The following TBX19 variants were observed in gnomAD, a reference collection of about 807,000 sequenced individuals.
TBX19 encodes T-box transcription factor 19.
In TBX19, 33 loss-of-function variants were observed where a neutral mutation model predicts 40.9. The ratio of observed to expected loss-of-function variants is 0.81; its 90% CI spans 0.61 to 1.08. TBX19 has a LOEUF of 1.08. Among genes scored for constraint, TBX19 ranks in the 50% least tolerant of loss-of-function variants. The probability of loss-of-function intolerance (pLI) is 0.00; values close to 1 mark genes in which losing one functional copy is unlikely to be tolerated. For synonymous variants in TBX19, 220 were observed against 225.0 expected (o/e 0.98, Z 0.20); for missense variants, 494 against 574.0 (o/e 0.86, Z 1.42).
intron 2 of TBX19, among the ~76,000 whole-genome samples, 195 bp downstream of exon 2, chr1:168,291,619 A>C (rs1229601682): frequency 6.6e-6 from 1 of 152,120 alleles, no homozygotes; most frequent in Non-Finnish European, 1.5e-5. Context: ...TTTTTAATGG[A>C]CTTCCTGATG....
At chr1:168,308,678 C>T in intron 6 of TBX19, 64 bp from the exon 7 acceptor site, 2 of 1,608,672 alleles carry the variant, frequency 1.2e-6, no homozygotes, top group Non-Finnish European at 1.7e-6. Flanking sequence ...AGGATAATGT[C>T]ACTGGTCACC....
At chr1:168,281,740 G>A (rs111524836) in intron 1 of TBX19, among the ~76,000 whole-genome samples, 2 of 152,342 alleles carry the variant, frequency 1.3e-5, no homozygotes, top group African/African-American at 4.8e-5. Context: ...GCTAGTTGAA[G>A]ATTGGAAGCA....
intron 5 of TBX19, among the ~76,000 whole-genome samples, chr1:168,301,529 G>A (rs539492616): frequency 2.0e-5 from 3 of 152,294 alleles, no homozygotes; most frequent in African/African-American, 7.2e-5. Context: ...CCAAAGTGCC[G>A]GGATTACAGG....
chr1:168,291,226 G>A lies in TBX19; in HGVS notation c.270G>A (p.Leu90=), dbSNP rs1457045459. 3 of 1,614,104 alleles carry A rather than the reference G, an allele frequency of 1.9e-6. 1 individual carries two copies. The highest frequency in any genetic ancestry group is 2.2e-5 in the South Asian group (2 of 91,086). The change falls in exon 2 of 8, where the codon CTG becomes CTA. Residue 90 remains leucine, a synonymous_variant. Coordinates refer to ENST00000367821, the MANE Select transcript of TBX19 (RefSeq NM_005149.3). ...ACCCCAATGCCATGTACTCCCTCCT[G>A]CTGGACTTTGTCCCTACGGACAGTC... ...GLDPNAMYSL[L]LDFVPTDSHR...
At chr1:168,300,798 C>T (rs1052564227) in intron 5 of TBX19, among the ~76,000 whole-genome samples, 6 of 152,320 alleles carry the variant, frequency 3.9e-5, no homozygotes, top group South Asian at 2.1e-4. Flanking sequence ...TGCCTCCTAA[C>T]GTTATGCTTG....
chr1:168,307,205 C>G (rs1185264687), intron 6 of TBX19, among the ~76,000 whole-genome samples: 1 of 152,080 alleles, frequency 6.6e-6, no homozygotes, highest in East Asian at 1.9e-4. Context: ...AGAGACATGG[C>G]CAGGTGTCTT....
chr1:168,301,585 G>A (rs980800644), intron 5 of TBX19, among the ~76,000 whole-genome samples: 1 of 152,208 alleles, frequency 6.6e-6, no homozygotes, highest in African/African-American at 2.4e-5. Context: ...AAAAATGACT[G>A]TCAACCTAAA....
intron 6 of TBX19, among the ~76,000 whole-genome samples, chr1:168,305,582 C>T (rs1392965313): frequency 6.6e-6 from 1 of 152,146 alleles, no homozygotes; most frequent in African/African-American, 2.4e-5. Flanking sequence ...GCATTCATGG[C>T]TCAGTTCAGG....
At chr1:168,294,240 T>G (rs1161748814) in intron 3 of TBX19, among the ~76,000 whole-genome samples, 1 of 152,256 alleles carries the variant, frequency 6.6e-6, no homozygotes, top group Non-Finnish European at 1.5e-5. Flanking sequence ...GTATATCTCC[T>G]TTTCTGTAGT....
intron 6 of TBX19, 59 bp from the exon 7 acceptor site, chr1:168,308,683 G>A (rs1395552794): frequency 1.9e-6 from 3 of 1,611,294 alleles, no homozygotes; most frequent in Non-Finnish European, 2.5e-6. Context: ...AATGTCACTG[G>A]TCACCATCTT....
chr1:168,292,943 A>G (rs928092249), intron 2 of TBX19, among the ~76,000 whole-genome samples: 15 of 146,572 alleles, frequency 1.0e-4, no homozygotes, highest in African/African-American at 3.5e-4. Flanking sequence ...CTTCAATGTT[A>G]TGCTTCCTGG....
intron 6 of TBX19, among the ~76,000 whole-genome samples, chr1:168,306,499 G>A (rs981696166): frequency 1.3e-5 from 2 of 152,072 alleles, no homozygotes; most frequent in South Asian, 2.1e-4. Context: ...GGTCGTTGGC[G>A]CCTGTAATCC....
At chr1:168,282,776 T>G (rs1424728234) in intron 1 of TBX19, among the ~76,000 whole-genome samples, 3 of 152,234 alleles carry the variant, frequency 2.0e-5, no homozygotes, top group Non-Finnish European at 4.4e-5. Context: ...CTTATTTTTC[T>G]TTGTATTATT....
chr1:168,293,304 TG>T, intron 3 of TBX19, 26 bp downstream of exon 3: 1 of 1,570,994 alleles, frequency 6.4e-7, no homozygotes, highest in East Asian at 2.4e-5. Context: ...TGTGTGTGTG[TG>T]TGTGTGTGTG....
chr1:168,312,257 G>A (rs1649542842), intron 7 of TBX19, among the ~76,000 whole-genome samples: 1 of 152,168 alleles, frequency 6.6e-6, no homozygotes, highest in South Asian at 2.1e-4. Context: ...TCTAGCCAAG[G>A]CCACAGAGCT....
intron 5 of TBX19, among the ~76,000 whole-genome samples, chr1:168,303,305 C>A (rs1242333611): frequency 6.6e-6 from 1 of 152,116 alleles, no homozygotes; most frequent in Non-Finnish European, 1.5e-5. Flanking sequence ...GGTTTTTTGT[C>A]CTTGCGATAG....
At chr1:168,309,716 A>C (rs1649480989) in intron 7 of TBX19, among the ~76,000 whole-genome samples, 1 of 152,148 alleles carries the variant, frequency 6.6e-6, no homozygotes, top group Non-Finnish European at 1.5e-5. Context: ...TGAAGTGGGA[A>C]GAGAAGGCCC....
intron 3 of TBX19, among the ~76,000 whole-genome samples, chr1:168,296,125 G>A (rs1245260234): frequency 1.3e-5 from 2 of 152,164 alleles, no homozygotes; most frequent in Non-Finnish European, 2.9e-5. Flanking sequence ...GTGGGCGTGG[G>A]GGTGGGTGAA....
intron 6 of TBX19, chr1:168,308,077 T>G (rs1162519831): frequency 6.6e-6 from 1 of 152,480 alleles, no homozygotes; most frequent in African/African-American, 2.4e-5. Context: ...TCAACTTTCT[T>G]AGAGTCCACA....
Sources: allele counts gnomAD v4.1 joint callset (sites outside exome capture counted in the v4.1 genomes callset), GRCh38; gene constraint gnomAD v4.1.1; transcripts MANE v1.5; gene names NCBI Gene and HGNC (gene_info 2026-07-23, HGNC 2026-07-21).